The following ADRA1B variants were observed in gnomAD, a reference collection of about 807,000 sequenced individuals.
ADRA1B encodes the protein adrenoceptor alpha 1B.
A neutral mutation model predicts 17.9 loss-of-function variants in ADRA1B; 17 were observed. That is an observed-to-expected ratio of 0.95 (90% CI 0.65 to 1.42). ADRA1B has a LOEUF of 1.42. Among genes scored for constraint, ADRA1B ranks in the 40% most tolerant of loss-of-function variants. The pLI, the probability that ADRA1B is intolerant of heterozygous loss-of-function variation, is 0.00. For missense variants in ADRA1B, 681 were observed against 722.1 expected (o/e 0.94, Z 0.65); for synonymous variants, 366 against 327.6 (o/e 1.12, Z -1.27).
At chr5:159,883,873 G>A (rs1475884010) in intron 1 of ADRA1B, among the ~76,000 whole-genome samples, 3 of 152,218 alleles carry the variant, frequency 2.0e-5, no homozygotes, top group African/African-American at 7.2e-5. Context: ...TATGACATCA[G>A]ACAGCAGGGT....
intron 1 of ADRA1B, among the ~76,000 whole-genome samples, chr5:159,936,277 A>G (rs1260442496): frequency 6.6e-6 from 1 of 152,236 alleles, no homozygotes; most frequent in African/African-American, 2.4e-5. Context: ...GTTGAAGTGG[A>G]GAAAACCTGA....
chr5:159,971,860 A>T lies in ADRA1B; in HGVS notation c.950-19A>T. 1.3e-5 allele frequency: 4 copies of T among 317,214 alleles called. No homozygotes were observed. The highest frequency in any genetic ancestry group is 4.6e-5 in the Admixed American group (1 of 21,952). 19.6% of individuals were successfully genotyped at this position (317,214 alleles called of 1,614,324 possible). A position where few individuals can be genotyped will look rare whatever the true frequency, so the allele number is the denominator to read the frequency against. On this transcript the variant is annotated intron_variant, in intron 1 of 1. Coordinates refer to ENST00000306675, the MANE Select transcript of ADRA1B (RefSeq NM_000679.4). ...AATTGCTGTCTTTCTGCCCGTGCCC[A>T]CCCCCCTCCCCACTGCAGGCTCCTT...
At chr5:159,895,732 G>A (rs1207703043) in intron 1 of ADRA1B, among the ~76,000 whole-genome samples, 1 of 152,194 alleles carries the variant, frequency 6.6e-6, no homozygotes, top group African/African-American at 2.4e-5. Flanking sequence ...CAGTCCAAAT[G>A]TATTCAAGGC....
chr5:159,907,190 C>T (rs1381406294), intron 1 of ADRA1B, among the ~76,000 whole-genome samples: 1 of 152,250 alleles, frequency 6.6e-6, no homozygotes, highest in Non-Finnish European at 1.5e-5. Context: ...AGCAAGTTCA[C>T]TGGCCAACTG....
intron 1 of ADRA1B, among the ~76,000 whole-genome samples, chr5:159,906,118 G>C (rs1754158827): frequency 6.6e-6 from 1 of 152,156 alleles, no homozygotes; most frequent in East Asian, 1.9e-4. Flanking sequence ...GCCTTACAAA[G>C]TGCTGGGATT....
intron 1 of ADRA1B, among the ~76,000 whole-genome samples, chr5:159,879,815 G>A (rs1753836732): frequency 6.6e-6 from 1 of 152,108 alleles, no homozygotes; most frequent in African/African-American, 2.4e-5. Context: ...GGCCAACATG[G>A]TGAGACCCTG....
intron 1 of ADRA1B, among the ~76,000 whole-genome samples, chr5:159,966,477 A>G (rs1353329961): frequency 6.6e-6 from 1 of 152,234 alleles, no homozygotes; most frequent in Non-Finnish European, 1.5e-5. Context: ...TATTCCAGGG[A>G]GTCCCATTCC....
chr5:159,889,204 A>G (rs1419500782), intron 1 of ADRA1B, among the ~76,000 whole-genome samples: 3 of 152,166 alleles, frequency 2.0e-5, no homozygotes, highest in Non-Finnish European at 2.9e-5. Context: ...GATGCACCTC[A>G]TGGAAGGGCA....
chr5:159,920,793 G>C (rs748644942), intron 1 of ADRA1B, among the ~76,000 whole-genome samples: 1 of 152,138 alleles, frequency 6.6e-6, no homozygotes, highest in East Asian at 1.9e-4. Flanking sequence ...CCAAGCAAAA[G>C]CAGCATGATA....
At chr5:159,909,180 T>TC (rs1754198315) in intron 1 of ADRA1B, among the ~76,000 whole-genome samples, 2 of 151,998 alleles carry the variant, frequency 1.3e-5, no homozygotes, top group South Asian at 2.1e-4. Context: ...CTCACGCTGC[T>TC]CCCCCCTTCA....
intron 1 of ADRA1B, among the ~76,000 whole-genome samples, chr5:159,941,751 G>A (rs552708359): frequency 6.6e-6 from 1 of 152,252 alleles, no homozygotes; most frequent in South Asian, 2.1e-4. Context: ...CCTTGAAACC[G>A]ATACGCTAAG....
At chr5:159,911,460 A>G (rs539591367) in intron 1 of ADRA1B, among the ~76,000 whole-genome samples, 70 of 152,178 alleles carry the variant, frequency 4.6e-4, no homozygotes, top group African/African-American at 1.6e-3. Context: ...GCTCTCCCCA[A>G]ACATGTGATG....
chr5:159,881,802 T>C (rs926443517), intron 1 of ADRA1B, among the ~76,000 whole-genome samples: 7 of 152,130 alleles, frequency 4.6e-5, no homozygotes, highest in African/African-American at 1.7e-4. Flanking sequence ...CTCAGAGAAG[T>C]ATACTATCCT....
At chr5:159,962,919 C>G (rs374746848) in intron 1 of ADRA1B, among the ~76,000 whole-genome samples, 2 of 76,708 alleles carry the variant, frequency 2.6e-5, no homozygotes, top group East Asian at 7.9e-4. Flanking sequence ...TTCTTTCTTT[C>G]TTTTTCTTTT....
intron 1 of ADRA1B, among the ~76,000 whole-genome samples, chr5:159,958,113 G>A (rs1755598265): frequency 6.6e-6 from 1 of 152,000 alleles, no homozygotes; most frequent in African/African-American, 2.4e-5. Context: ...ACTTTTAGCT[G>A]TGCTTAAAAT....
chr5:159,895,845 G>A (rs28571954), intron 1 of ADRA1B, among the ~76,000 whole-genome samples: 1,587 of 152,328 alleles, frequency 0.01, 31 homozygotes, highest in African/African-American at 0.035. Context: ...GGCCAGGTGA[G>A]GTGGCTCATG....
intron 1 of ADRA1B, among the ~76,000 whole-genome samples, chr5:159,866,610 A>G (rs1287887426): frequency 1.3e-5 from 2 of 148,836 alleles, no homozygotes; most frequent in Admixed American, 1.3e-4. Context: ...AAAAAAAAAG[A>G]TAGTAATGGT....
intron 1 of ADRA1B, among the ~76,000 whole-genome samples, chr5:159,943,587 C>T (rs1755192600): frequency 6.6e-6 from 1 of 152,080 alleles, no homozygotes; most frequent in Admixed American, 6.6e-5. Context: ...CTAACCAGAT[C>T]TATCTAGGTA....
chr5:159,928,812 C>G (rs1754726585), intron 1 of ADRA1B, among the ~76,000 whole-genome samples: 2 of 152,198 alleles, frequency 1.3e-5, no homozygotes, highest in Non-Finnish European at 2.9e-5. Context: ...CTCACACCAC[C>G]AGCACTGGGC....
Sources: gnomAD v4.1 joint callset for allele counts (sites outside exome capture counted in the v4.1 genomes callset) on GRCh38, gnomAD v4.1.1 for gene constraint, MANE v1.5 for transcripts, NCBI Gene and HGNC (gene_info 2026-07-23, HGNC 2026-07-21) for gene names.